Variants in SPG11 observed in about 807,000 individuals in gnomAD.
SPG11 encodes spatacsin.
SPG11 carries 222 observed loss-of-function variants against 274.0 expected under a neutral mutation model. The ratio of observed to expected loss-of-function variants is 0.81; its 90% CI spans 0.73 to 0.91. The LOEUF (loss-of-function observed/expected upper bound fraction) is 0.91. SPG11 is among the 40% of genes least tolerant of loss of function. SPG11 has a pLI of 0.00. For synonymous variants in SPG11, 1,144 were observed against 1,039.7 expected (o/e 1.10, Z -1.93); for missense variants, 3,114 against 2,872.7 (o/e 1.08, Z -1.92).
intron 35 of SPG11, among the ~76,000 whole-genome samples, chr15:44,567,880 A>G (rs2082341513): frequency 6.6e-6 from 1 of 152,242 alleles, no homozygotes; most frequent in African/African-American, 2.4e-5. Flanking sequence ...CCCTAAAGAG[A>G]TAAGCAGAGA....
chr15:44,575,019 C>T lies in SPG11; in HGVS notation c.5889G>A (p.Lys1963=). The part of the protein sequence containing the change: ...VHSTSSLDSQ[K]FVTVPSSNEV... Reference sequence around the variant, plus strand: ...CATTACTGGAGGGCACTGTCACAAACTTCTGACTATCCAGACTTGAAGCTG... The same window carrying T: ...CATTACTGGAGGGCACTGTCACAAATTTCTGACTATCCAGACTTGAAGCTG... Residue 1963 remains lysine (K), a synonymous_variant, in exon 31 of 40, where the codon AAG becomes AAA. Transcript: ENST00000261866. 1 of 1,614,092 alleles carries T rather than the reference C, an allele frequency of 6.2e-7. No homozygotes were observed. The highest frequency in any genetic ancestry group is 8.5e-7 in the Non-Finnish European group (1 of 1,180,032).
intron 2 of SPG11, among the ~76,000 whole-genome samples, chr15:44,659,583 A>AT (rs1440653786): frequency 6.6e-6 from 1 of 152,212 alleles, no homozygotes; most frequent in Non-Finnish European, 1.5e-5. Flanking sequence ...ATGGGACCCC[A>AT]TAAGAAGACT....
In SPG11 at chr15:44,633,277, C is replaced by G. The variant is rs992395313; in HGVS notation, c.1735+228G>C. On this transcript the variant is annotated intron_variant, in intron 8 of 39. Transcript: ENST00000261866. Reference sequence around the variant, plus strand: ...GTCCAGGAGGTGAGGCTGCAGTGAGCTGTCATCACCGCACTCCAGCCTAGG... The same window carrying G: ...GTCCAGGAGGTGAGGCTGCAGTGAGGTGTCATCACCGCACTCCAGCCTAGG... Among the ~76,000 whole-genome samples, 5 of 121,350 alleles carry G rather than the reference C, an allele frequency of 4.1e-5. No individual in the cohort carries two copies. The East Asian group carries it at 1.4e-3, about 34-fold the overall frequency. 79.6% of individuals were successfully genotyped at this position (121,350 alleles called of 152,430 possible).
chr15:44,621,541 C>T (rs1393627561), intron 14 of SPG11: 2 of 519,840 alleles, frequency 3.8e-6, no homozygotes, highest in African/African-American at 3.8e-5. Context: ...CTTGAAATCT[C>T]AATTAACTAT....
At chr15:44,643,636 A>G (rs1453186623) in intron 7 of SPG11, among the ~76,000 whole-genome samples, 1 of 152,136 alleles carries the variant, frequency 6.6e-6, no homozygotes, top group African/African-American at 2.4e-5. Context: ...CTCAGATTCA[A>G]CACCAAAAGC....
Position 44,584,127 on chromosome 15 carries a change from T to C in SPG11, c.5553A>G (p.Thr1851=), listed in dbSNP as rs971378679. ...FSFSKLAALN[T]SKYLELNSLP... ...GGCTGTTAAGTTCTAAGTATTTTGA[T>C]GTGTTCAGAGCAGCCAACTTGGAGA... The change falls in exon 30 of 40, where the codon ACA becomes ACG. Residue 1851 remains threonine, a synonymous_variant. Coordinates refer to ENST00000261866, the MANE Select transcript of SPG11 (RefSeq NM_025137.4). The C allele has an allele frequency of 1.7e-5, 28 of 1,614,238 alleles. No individual in the cohort carries two copies. The highest frequency in any genetic ancestry group is 2.4e-5 in the Non-Finnish European group (28 of 1,180,032).
At position 44,651,731 on chromosome 15, in the gene SPG11, T is replaced by C. The variant is rs2084783563; in HGVS notation, c.1216A>G (p.Thr406Ala). 6.2e-7 allele frequency: 1 copy of C among 1,614,134 alleles called. No homozygotes were observed. Among genetic ancestry groups the C allele is most frequent in the South Asian group, 1.1e-5 (1 of 91,096 alleles). Reference sequence around the variant, plus strand: ...TTCCATGATCTTCCTGGATCACTGGTCTTGGCATGATCTTTCTGTAGAACA... The same window carrying C: ...TTCCATGATCTTCCTGGATCACTGGCCTTGGCATGATCTTTCTGTAGAACA... Reference protein sequence around the residue: ...YNVLQKDHAKTSDPGRSWKIM... With the variant: ...YNVLQKDHAKASDPGRSWKIM... The change falls in exon 6 of 40, where the codon ACC becomes GCC. Residue 406 changes from threonine (T) to alanine (A), a missense_variant. By Grantham distance (58) the Thr-to-Ala change is moderately conservative (BLOSUM62 0). Coordinates refer to ENST00000261866, the MANE Select transcript of SPG11 (RefSeq NM_025137.4).
chr15:44,661,390 T>C (rs969242231), intron 1 of SPG11, among the ~76,000 whole-genome samples: 1 of 152,148 alleles, frequency 6.6e-6, no homozygotes, highest in Non-Finnish European at 1.5e-5. Context: ...ATGAAAGAGG[T>C]GAGGCTATAC....
Position 44,596,088 on chromosome 15 carries a change from G to A in SPG11, c.4429C>T (p.Leu1477Phe). The change falls in exon 25 of 40, where the codon CTC becomes TTC. Residue 1477 changes from leucine to phenylalanine, a missense_variant. Leu to Phe is a conservative substitution (Grantham distance 22). Coordinates refer to ENST00000261866, the MANE Select transcript of SPG11 (RefSeq NM_025137.4). The part of the protein sequence containing the change: ...APILSVLASC[L>F]QGASAISCLC... ...AGGCTTCTCATGATCCTCACCTGGA[G>A]ACATGAGGCCAGAACACTGAGGATA... is the stretch of plus-strand genomic sequence containing the variant. 1 of 1,613,294 alleles carries A rather than the reference G, an allele frequency of 6.2e-7. No homozygotes were observed. The highest frequency in any genetic ancestry group is 8.5e-7 in the Non-Finnish European group (1 of 1,180,016).
intron 28 of SPG11, among the ~76,000 whole-genome samples, chr15:44,587,851 T>C (rs976956719): frequency 6.6e-6 from 1 of 152,176 alleles, no homozygotes; most frequent in African/African-American, 2.4e-5. Flanking sequence ...CTTATAATTA[T>C]TCAAAGATAG....
In SPG11 at chr15:44,663,617, C is replaced by G. The variant is rs529316227; in HGVS notation, c.31G>C (p.Ala11Pro). 2.3e-5 allele frequency: 36 copies of G among 1,596,392 alleles called. No homozygotes were observed. In the South Asian group the frequency reaches 3.9e-4, roughly 17 times the overall value. ...GTGCCCCAGCTACCGCCGGCGGAAG[C>G]AGCACTCGCGACCCCTTCCTCTGCA... is the stretch of plus-strand genomic sequence containing the variant. MAAEEGVASAASAGGSWGTAA... is the reference protein window; with the variant it reads MAAEEGVASAPSAGGSWGTAA... Residue 11 changes from alanine to proline, a missense_variant, in exon 1 of 40, where the codon GCT becomes CCT. By Grantham distance (27) the Ala-to-Pro change is conservative. Transcript: ENST00000261866.
At chr15:44,618,754 AG>A (rs762449845) in intron 15 of SPG11, among the ~76,000 whole-genome samples, 10 of 151,776 alleles carry the variant, frequency 6.6e-5, no homozygotes, top group Non-Finnish European at 1.5e-4. Context: ...CAGAAGGCAG[AG>A]CTTGTAGTGA....
intron 7 of SPG11, among the ~76,000 whole-genome samples, chr15:44,641,586 T>TACACACACACACACACACAC (rs147901004): frequency 1.8e-5 from 2 of 112,396 alleles, no homozygotes; most frequent in African/African-American, 3.4e-5. Flanking sequence ...CCAAATATCT[T>TACACACACACACACACACAC]ACACACACAC....
At chr15:44,639,004 AT>A (rs1243368862) in intron 7 of SPG11, among the ~76,000 whole-genome samples, 2 of 151,114 alleles carry the variant, frequency 1.3e-5, no homozygotes, top group African/African-American at 2.4e-5. Context: ...CAAAAAAAAA[AT>A]AATAATAATA....
rs79186522 is a variant in SPG11 at position 44,565,903 on chromosome 15, C to T, written c.6950G>A (p.Gly2317Asp). The T allele has an allele frequency of 6.8e-5, 109 of 1,612,952 alleles. No individual in the cohort carries two copies. Among genetic ancestry groups the T allele is most frequent in the Middle Eastern group, 1.7e-4 (1 of 6,004 alleles). The change falls in exon 38 of 40, where the codon GGC (glycine) becomes GAC (aspartate). Residue 2317 changes from glycine (G) to aspartate (D), a missense_variant. Gly to Asp is a moderately conservative substitution (Grantham distance 94). Coordinates refer to ENST00000261866, the MANE Select transcript of SPG11 (RefSeq NM_025137.4). ...AATACAGTCCATCAGCTTGTGGCGG[C>T]CCAAGTTGATGAGCATTGTGTTCTG... ...TGQNTMLINLGRHKLMDCILA... is the reference protein window; with the variant it reads ...TGQNTMLINLDRHKLMDCILA...
At chr15:44,641,882 A>G (rs1196643071) in intron 7 of SPG11, among the ~76,000 whole-genome samples, 3 of 149,304 alleles carry the variant, frequency 2.0e-5, no homozygotes, top group African/African-American at 7.4e-5. Context: ...CATGTGCTGC[A>G]GCAGATACAT....
At chr15:44,564,000 G>GTTTCT (rs1207750331) in intron 39 of SPG11, among the ~76,000 whole-genome samples, 2 of 151,796 alleles carry the variant, frequency 1.3e-5, no homozygotes, top group Admixed American at 1.3e-4. Flanking sequence ...AGTGTTTTTC[G>GTTTCT]TTTCTTTTTT....
At position 44,620,325 on chromosome 15, in the gene SPG11, A is replaced by G. The variant is rs1815538293; in HGVS notation, c.2699T>C (p.Ile900Thr). The G allele has an allele frequency of 2.5e-6, 4 of 1,614,006 alleles. No individual in the cohort carries two copies. Among genetic ancestry groups the G allele is most frequent in the Non-Finnish European group, 3.4e-6 (4 of 1,180,026 alleles). The stretch of plus-strand genomic sequence containing the variant: ...ACTATGCTGGGTTTGAAATTCTCCA[A>G]TCCATAAGATAATGTTTAACCAATC... ...RHDWLNIILW[I>T]GEFQTQHSYA... The change falls in exon 15 of 40, where the codon ATT becomes ACT. Residue 900 changes from isoleucine (I) to threonine (T), a missense_variant. Transcript: ENST00000261866.
At chr15:44,633,349 A>AAG (rs2084132848) in intron 8 of SPG11, 156 bp downstream of exon 8, 3 of 305,956 alleles carry the variant, frequency 9.8e-6, no homozygotes, top group Non-Finnish European at 5.7e-6. Flanking sequence ...AAAAAAAAAA[A>AAG]AAAAAAAAAA....
Sources: allele counts gnomAD v4.1 joint callset (sites outside exome capture counted in the v4.1 genomes callset), GRCh38; gene constraint gnomAD v4.1.1; transcripts MANE v1.5; gene names NCBI Gene and HGNC (gene_info 2026-07-23, HGNC 2026-07-21).